MCF2L2: variants seen among roughly 807,000 people sequenced by gnomAD.
The protein encoded by MCF2L2 is probable guanine nucleotide exchange factor MCF2L2.
MCF2L2 carries 102 observed loss-of-function variants against 150.2 expected under a neutral mutation model. The observed-to-expected ratio is 0.68, with a 90% CI of 0.58 to 0.80. The LOEUF is 0.80. Among genes scored for constraint, MCF2L2 ranks in the 30% least tolerant of loss-of-function variants. MCF2L2 has a pLI of 0.00. For missense variants in MCF2L2, 1,256 were observed against 1,372.8 expected, an observed-to-expected ratio of 0.91 and a Z score of 1.34; for synonymous variants, 465 against 491.3, an observed-to-expected ratio of 0.95 and a Z score of 0.71.
At chr3:183,382,215 C>T (rs754145873) in intron 2 of MCF2L2, among the ~76,000 whole-genome samples, 6 of 151,994 alleles carry the variant, frequency 3.9e-5, no homozygotes, top group African/African-American at 1.4e-4. Flanking sequence ...CATGCCACCA[C>T]GCCCAGCTAA....
intron 10 of MCF2L2, among the ~76,000 whole-genome samples, chr3:183,302,878 T>C (rs1165185572): frequency 6.6e-6 from 1 of 152,110 alleles, no homozygotes; most frequent in Non-Finnish European, 1.5e-5. Context: ...AAAACTATTT[T>C]CTTTATTTAC....
At chr3:183,245,294 T>C (rs1167539684) in intron 15 of MCF2L2, among the ~76,000 whole-genome samples, 1 of 151,930 alleles carries the variant, frequency 6.6e-6, no homozygotes, top group Non-Finnish European at 1.5e-5. Flanking sequence ...TTGGAGAAGG[T>C]GAAGTCTGAC....
chr3:183,223,919 G>A (rs1411129994), intron 19 of MCF2L2, among the ~76,000 whole-genome samples, 179 bp downstream of exon 19: 1 of 152,126 alleles, frequency 6.6e-6, no homozygotes, highest in Non-Finnish European at 1.5e-5. Flanking sequence ...ACCAGATATA[G>A]GTGCTCCTCA....
intron 21 of MCF2L2, among the ~76,000 whole-genome samples, chr3:183,217,785 G>A (rs1390915130): frequency 6.6e-6 from 1 of 152,096 alleles, no homozygotes; most frequent in African/African-American, 2.4e-5. Flanking sequence ...ATAAGCCAGC[G>A]CTCTGCACCT....
intron 15 of MCF2L2, among the ~76,000 whole-genome samples, chr3:183,262,846 C>G (rs1338670369): frequency 6.6e-6 from 1 of 152,010 alleles, no homozygotes; most frequent in Non-Finnish European, 1.5e-5. Context: ...TAGATAGTGC[C>G]ATTTGTGGTG....
chr3:183,263,920 G>A (rs773264163), intron 15 of MCF2L2, among the ~76,000 whole-genome samples: 14 of 151,708 alleles, frequency 9.2e-5, no homozygotes, highest in African/African-American at 1.2e-4. Context: ...CCTTCCTTCC[G>A]TCCCCATTTC....
rs894142822 is a variant in MCF2L2 at position 183,178,759 on chromosome 3, C to A, written c.*621G>T. On this transcript the variant is annotated 3_prime_UTR_variant, in exon 30 of 30. Transcript: ENST00000328913. The stretch of plus-strand genomic sequence containing the variant: ...AAATACCTCAGAAAGTAACTTGGAA[C>A]GAACTCTCTCTACAACGAAGCAATC... The A allele has an allele frequency of 3.9e-5, 6 of 152,250 alleles. No individual in the cohort carries two copies. The highest frequency in any genetic ancestry group is 1.4e-4 in the African/African-American group (6 of 41,470). 9.4% of individuals were successfully genotyped at this position (152,250 alleles called of 1,614,324 possible).
At chr3:183,391,464 A>G (rs576485617) in intron 1 of MCF2L2, among the ~76,000 whole-genome samples, 2 of 152,312 alleles carry the variant, frequency 1.3e-5, no homozygotes, top group East Asian at 3.9e-4. Context: ...CGGTGGGTGT[A>G]ATAACGGCAT....
chr3:183,400,493 T>C (rs1299259838), intron 1 of MCF2L2: 1 of 456,502 alleles, frequency 2.2e-6, no homozygotes, highest in Admixed American at 2.4e-5. Context: ...AGACCACGAC[T>C]GGATTCCAGG....
At chr3:183,363,898 C>A (rs576553871) in intron 3 of MCF2L2, among the ~76,000 whole-genome samples, 1 of 152,234 alleles carries the variant, frequency 6.6e-6, no homozygotes, top group Admixed American at 6.5e-5. Flanking sequence ...GAGGATTCAC[C>A]ATCTTCTAAA....
At position 183,267,898 on chromosome 3, in the gene MCF2L2, G is replaced by C. The variant is rs1726315959; in HGVS notation, c.1862+8974C>G. 6.6e-6 allele frequency among the ~76,000 whole-genome samples: 1 copy of C among 152,166 alleles called. No individual in the cohort carries two copies. The highest frequency in any genetic ancestry group is 2.4e-5 in the African/African-American group (1 of 41,438). ...AAACAGTGGCTCCACCCCCGGCATGGTTCTTTGCACCAACATTTGGGGAAT... is the reference window on the plus strand; with the variant it reads ...AAACAGTGGCTCCACCCCCGGCATGCTTCTTTGCACCAACATTTGGGGAAT... On this transcript the variant is annotated intron_variant, in intron 15 of 29. Coordinates refer to ENST00000328913, the MANE Select transcript of MCF2L2 (RefSeq NM_015078.4). This position sits in a 1 kb window ranked among gnomAD's most constrained non-coding sequence, Gnocchi z 5.5.
chr3:183,269,302 G>A (rs1194258117), intron 15 of MCF2L2, among the ~76,000 whole-genome samples: 1 of 141,946 alleles, frequency 7.0e-6, no homozygotes, highest in Non-Finnish European at 1.5e-5. Flanking sequence ...ACAGTGTAAA[G>A]CAATTTTTTC....
At chr3:183,253,081 G>A (rs754296252) in intron 15 of MCF2L2, among the ~76,000 whole-genome samples, 8 of 152,190 alleles carry the variant, frequency 5.3e-5, no homozygotes, top group Non-Finnish European at 8.8e-5. Flanking sequence ...AACACTTCCT[G>A]GAATTCTCAT....
intron 10 of MCF2L2, among the ~76,000 whole-genome samples, chr3:183,303,878 T>C (rs907844115): frequency 1.3e-5 from 2 of 152,124 alleles, no homozygotes; most frequent in African/African-American, 4.8e-5. Context: ...ACACGGGGAA[T>C]TTCATTATCT....
chr3:183,298,765 GCACACACACACACACACACA>G (rs1220893493), intron 11 of MCF2L2: 2 of 138,500 alleles, frequency 1.4e-5, no homozygotes, highest in African/African-American at 5.8e-5. Flanking sequence ...AAACACACAT[GCACACACACACACACACACA>G]CACACACACC....
At chr3:183,381,852 G>T (rs188040967) in intron 2 of MCF2L2, among the ~76,000 whole-genome samples, 276 of 152,204 alleles carry the variant, frequency 1.8e-3, no homozygotes, top group African/African-American at 6.4e-3. Flanking sequence ...CTTCCTCTTT[G>T]CAGTTTCACA....
intron 22 of MCF2L2, among the ~76,000 whole-genome samples, chr3:183,213,678 A>C (rs1255629160): frequency 6.6e-6 from 1 of 152,230 alleles, no homozygotes; most frequent in Non-Finnish European, 1.5e-5. Context: ...TTCTAATCAG[A>C]AACAGATAAA....
intron 5 of MCF2L2, among the ~76,000 whole-genome samples, chr3:183,334,350 G>C (rs76227819): frequency 0.018 from 2,698 of 152,208 alleles, 72 homozygotes; most frequent in South Asian, 0.091. Context: ...TAGTTGCAAG[G>C]GAAAGAATCT....
rs1399093771 is a variant in MCF2L2 at position 183,356,387 on chromosome 3, C to T, written c.276-14757G>A. Among the ~76,000 whole-genome samples the T allele has an allele frequency of 7.2e-4, 110 of 152,066 alleles. 1 individual carries two copies. Among genetic ancestry groups the T allele is most frequent in the Non-Finnish European group, 1.0e-4 (7 of 68,022 alleles). ...AATTAGTTGGGCGTGGTGGCATGCA[C>T]CTGTAGTCCCAGCTACTCAGGAGGT... is the stretch of plus-strand genomic sequence containing the variant. On this transcript the variant is annotated intron_variant, in intron 3 of 29. Transcript: ENST00000328913.
Sources: gnomAD v4.1 joint callset for allele counts (sites outside exome capture counted in the v4.1 genomes callset) on GRCh38, gnomAD v4.1.1 for gene constraint, Gnocchi (gnomAD v3.1) non-coding constraint, MANE v1.5 for transcripts, NCBI Gene and HGNC (gene_info 2026-07-23, HGNC 2026-07-21) for gene names.